The following TMEM178B variants were observed in gnomAD, a reference collection of about 807,000 sequenced individuals.
The protein encoded by TMEM178B is transmembrane protein 178B.
Under a neutral mutation model 31.0 loss-of-function variants are expected in TMEM178B, and 5 were observed. The observed-to-expected ratio is 0.16, with a 90% CI of 0.08 to 0.34. The LOEUF (loss-of-function observed/expected upper bound fraction) is 0.34, where lower values mean the gene tolerates loss of function less well. Ranked by LOEUF, TMEM178B falls within the 10% of genes least tolerant of loss-of-function variation. The pLI is 1.00. For missense variants in TMEM178B, 275 were observed against 400.3 expected, an observed-to-expected ratio of 0.69 and a Z score of 2.67; for synonymous variants, 164 against 164.0, an observed-to-expected ratio of 1.00 and a Z score of 0.00.
intron 1 of TMEM178B, among the ~76,000 whole-genome samples, chr7:141,076,812 A>G (rs1794607345): frequency 1.3e-5 from 2 of 152,198 alleles, no homozygotes; most frequent in South Asian, 4.1e-4. Context: ...ACTAATGGAA[A>G]TGGTGTTCCC....
chr7:141,117,939 A>G (rs1013124915), intron 1 of TMEM178B, among the ~76,000 whole-genome samples: 2 of 152,196 alleles, frequency 1.3e-5, no homozygotes, highest in African/African-American at 2.4e-5. Flanking sequence ...GAGGTCAGGT[A>G]GCATGATGCC....
At chr7:141,079,172 A>G (rs1315238317) in intron 1 of TMEM178B, among the ~76,000 whole-genome samples, 1 of 152,180 alleles carries the variant, frequency 6.6e-6, no homozygotes, top group Non-Finnish European at 1.5e-5. Flanking sequence ...CTGTAATGCC[A>G]GCTACTCAGG....
At chr7:141,434,261 CA>C (rs1260852538) in intron 2 of TMEM178B, among the ~76,000 whole-genome samples, 3 of 152,212 alleles carry the variant, frequency 2.0e-5, no homozygotes, top group Non-Finnish European at 4.4e-5. Context: ...TTAATTCCCC[CA>C]GGCAGAACCT....
rs569495338 is a variant in TMEM178B, at chr7:141,329,014, T to TC, written c.497-108587dup. Among the ~76,000 whole-genome samples, 49 of 151,990 alleles carry TC rather than the reference T, an allele frequency of 3.2e-4. 1 individual carries two copies. The East Asian group carries it at 6.8e-3, about 21-fold the overall frequency. Reference sequence around the variant, plus strand: ...TTGGCCTTCTTTATAAATTAACATGTCCCCCCCAGTCTATAATGTCTTTAG... The same window carrying TC: ...TTGGCCTTCTTTATAAATTAACATGTCCCCCCCCAGTCTATAATGTCTTTAG... On this transcript the variant is annotated intron_variant, in intron 2 of 3. Coordinates refer to ENST00000565468, the MANE Select transcript of TMEM178B (RefSeq NM_001195278.2).
At chr7:141,330,944 G>C (rs1799289104) in intron 2 of TMEM178B, among the ~76,000 whole-genome samples, 1 of 152,206 alleles carries the variant, frequency 6.6e-6, no homozygotes, top group Admixed American at 6.5e-5. Context: ...GAGCCAACAG[G>C]CTTTGCTCAT....
At chr7:141,225,331 T>C (rs534099059) in intron 2 of TMEM178B, among the ~76,000 whole-genome samples, 6 of 152,344 alleles carry the variant, frequency 3.9e-5, no homozygotes, top group African/African-American at 1.4e-4. Context: ...TGAAGAACCC[T>C]TCTCTTTGTC....
In TMEM178B at chr7:141,383,392, C is replaced by T. The variant is rs1274028635; in HGVS notation, c.497-54216C>T. Reference sequence around the variant, plus strand: ...CCTCCCTCCACCCCACAACAGGCCCCGGTGTGTGATGTTCCCCTTCCTGTG... The same window carrying T: ...CCTCCCTCCACCCCACAACAGGCCCTGGTGTGTGATGTTCCCCTTCCTGTG... On this transcript the variant is annotated intron_variant, in intron 2 of 3. Coordinates refer to ENST00000565468, the MANE Select transcript of TMEM178B (RefSeq NM_001195278.2). 9.3e-4 allele frequency among the ~76,000 whole-genome samples: 139 copies of T among 149,196 alleles called. 1 individual carries two copies. Among genetic ancestry groups the T allele is most frequent in the Non-Finnish European group, 1.4e-3 (91 of 67,340 alleles).
chr7:141,218,641 C>G (rs1164945089), intron 2 of TMEM178B, among the ~76,000 whole-genome samples: 1 of 152,082 alleles, frequency 6.6e-6, no homozygotes, highest in East Asian at 1.9e-4. Context: ...CTTGGCTAAG[C>G]CCAACCCGGC....
chr7:141,215,334 A>ATT (rs779584995), intron 2 of TMEM178B, among the ~76,000 whole-genome samples: 2 of 59,052 alleles, frequency 3.4e-5, no homozygotes, highest in Non-Finnish European at 9.7e-5. Context: ...TATTATTATT[A>ATT]TTATTTTTTG....
At chr7:141,402,859 G>A (rs1800811552) in intron 2 of TMEM178B, among the ~76,000 whole-genome samples, 1 of 152,246 alleles carries the variant, frequency 6.6e-6, no homozygotes, top group South Asian at 2.1e-4. Context: ...AGCAGAGGGA[G>A]TAGAATAGAG....
chr7:141,305,849 GTCC>G (rs903601159), intron 2 of TMEM178B, among the ~76,000 whole-genome samples: 2 of 152,138 alleles, frequency 1.3e-5, no homozygotes, highest in African/African-American at 2.4e-5. Context: ...TGGGTGGTCT[GTCC>G]TCCTGCTCTT....
At chr7:141,349,699 T>A (rs1345160881) in intron 2 of TMEM178B, among the ~76,000 whole-genome samples, 1 of 152,174 alleles carries the variant, frequency 6.6e-6, no homozygotes, top group Non-Finnish European at 1.5e-5. Flanking sequence ...GGAGTGCCAG[T>A]GGTTGGATCA....
At chr7:141,444,359 A>G (rs192621210) in intron 3 of TMEM178B, among the ~76,000 whole-genome samples, 1 of 152,332 alleles carries the variant, frequency 6.6e-6, no homozygotes, top group Non-Finnish European at 1.5e-5. Flanking sequence ...ATATAGGAAA[A>G]GTGAATTGTG....
chr7:141,271,342 A>G (rs1798177414), intron 2 of TMEM178B, among the ~76,000 whole-genome samples: 1 of 152,220 alleles, frequency 6.6e-6, no homozygotes. Flanking sequence ...ATGAGGGGGC[A>G]AAGATTGTAA....
At chr7:141,225,465 G>C (rs1373656004) in intron 2 of TMEM178B, among the ~76,000 whole-genome samples, 5 of 151,840 alleles carry the variant, frequency 3.3e-5, no homozygotes, top group African/African-American at 1.2e-4. Context: ...CAAATGTATA[G>C]TACTTCATTG....
intron 2 of TMEM178B, among the ~76,000 whole-genome samples, chr7:141,244,724 A>G (rs1056141362): frequency 6.6e-6 from 1 of 152,198 alleles, no homozygotes; most frequent in African/African-American, 2.4e-5. Flanking sequence ...TTCGAGAGTC[A>G]TGGAATAGAG....
chr7:141,271,838 T>G (rs1033794365), intron 2 of TMEM178B, among the ~76,000 whole-genome samples: 3 of 152,184 alleles, frequency 2.0e-5, no homozygotes, highest in African/African-American at 7.2e-5. Context: ...TCCTCTAGTA[T>G]CTCTCTTTTA....
At chr7:141,424,973 A>G (rs1165340295) in intron 2 of TMEM178B, among the ~76,000 whole-genome samples, 1 of 152,178 alleles carries the variant, frequency 6.6e-6, no homozygotes, top group African/African-American at 2.4e-5. Flanking sequence ...AGACCAAGAC[A>G]CCTTCCCAGA....
At chr7:141,377,853 G>A (rs1187616779) in intron 2 of TMEM178B, among the ~76,000 whole-genome samples, 2 of 152,126 alleles carry the variant, frequency 1.3e-5, no homozygotes, top group African/African-American at 4.8e-5. Context: ...AAAGTACAGA[G>A]AGTTCCTGTG....
Sources: gnomAD v4.1 joint callset for allele counts (sites outside exome capture counted in the v4.1 genomes callset) on GRCh38, gnomAD v4.1.1 for gene constraint, MANE v1.5 for transcripts, NCBI Gene and HGNC (gene_info 2026-07-23, HGNC 2026-07-21) for gene names.